IPO5: variants seen among roughly 807,000 people sequenced by gnomAD.
IPO5 encodes the protein importin 5.
A neutral mutation model predicts 143.3 loss-of-function variants in IPO5; 18 were observed. That is an observed-to-expected ratio of 0.13 (90% CI 0.09 to 0.19). The LOEUF is 0.19. Ranked by LOEUF, IPO5 falls within the 10% of genes least tolerant of loss-of-function variation. IPO5 has a pLI of 1.00. For synonymous variants in IPO5, 477 were observed against 465.7 expected (o/e 1.02, Z -0.31); for missense variants, 1,013 against 1,336.9 (o/e 0.76, Z 3.78).
chr13:98,015,412 A>G, intron 22 of IPO5, 118 bp from the exon 23 acceptor site: 1 of 645,862 alleles, frequency 1.5e-6, no homozygotes, highest in East Asian at 2.6e-5. Context: ...GCATATGTAA[A>G]TAATCTTCCA....
chr13:97,991,889 T>G (rs143428373), intron 9 of IPO5, among the ~76,000 whole-genome samples: 2 of 152,370 alleles, frequency 1.3e-5, no homozygotes, highest in East Asian at 3.9e-4. Context: ...AAGTCCCTTG[T>G]GCTTGTGTCA....
At chr13:97,982,873 G>A (rs1041146562) in intron 5 of IPO5, among the ~76,000 whole-genome samples, 1 of 152,174 alleles carries the variant, frequency 6.6e-6, no homozygotes, top group African/African-American at 2.4e-5. Context: ...AAAGTGATTT[G>A]ATTTGATTGA....
intron 6 of IPO5, chr13:97,988,220 T>C (rs915768540): frequency 6.4e-6 from 1 of 155,820 alleles, no homozygotes; most frequent in African/African-American, 2.4e-5. Context: ...TCTCTTAATC[T>C]TGTTAAATAG....
rs1890575356 is a variant in IPO5 at position 98,022,829 on chromosome 13, TTTTAA to T, written c.*1010_*1014del. 6.6e-6 allele frequency: 1 copy of T among 152,666 alleles called. No homozygotes were observed. The highest frequency in any genetic ancestry group is 6.5e-5 in the Admixed American group (1 of 15,288). The allele number at this position is 152,666 out of a possible 1,614,324, so 9.5% of individuals were successfully genotyped here. A position where few individuals can be genotyped will look rare whatever the true frequency, so the allele number is the denominator to read the frequency against. ...GTAGAGCCACACACAACTTTTGAAC[TTTTAA>T]TTATAAGTGTTATGGCTAAAGTTAT... On this transcript the variant is annotated 3_prime_UTR_variant, in exon 29 of 29. Coordinates refer to ENST00000651721, the MANE Select transcript of IPO5 (RefSeq NM_002271.6).
chr13:98,013,958 C>A (rs1889913847), intron 21 of IPO5, 84 bp from the exon 22 acceptor site: 4 of 1,204,578 alleles, frequency 3.3e-6, no homozygotes, highest in Non-Finnish European at 4.6e-6. Flanking sequence ...ACAGAAGTTG[C>A]CTAGCACTCC....
At chr13:98,017,241 C>T (rs1594132521) in intron 25 of IPO5, among the ~76,000 whole-genome samples, 1 of 148,166 alleles carries the variant, frequency 6.7e-6, no homozygotes, top group East Asian at 2.0e-4. Flanking sequence ...GGATAATGGG[C>T]ATATATATAT....
chr13:98,002,784 A>C lies in IPO5; in HGVS notation c.1323+11A>C. The C allele has an allele frequency of 6.2e-7, 1 of 1,605,116 alleles. No homozygotes were observed. Among genetic ancestry groups the C allele is most frequent in the Non-Finnish European group, 8.5e-7 (1 of 1,176,488 alleles). On this transcript the variant is annotated intron_variant, in intron 15 of 28. Coordinates refer to ENST00000651721, the MANE Select transcript of IPO5 (RefSeq NM_002271.6). ...AAATTTCATGAGAAGGTAAGTAACA[A>C]GTCCTCAAACACTTAAATCAGACTT...
Position 98,019,515 on chromosome 13 carries a change from A to G in IPO5, c.2837-66A>G. ...ATCAATATCTGAACCAAATACAAAA[A>G]TACATATATTCATTTGCATGAAAAT... is the stretch of plus-strand genomic sequence containing the variant. On this transcript the variant is annotated intron_variant, in intron 26 of 28. Transcript: ENST00000651721. 4.6e-6 allele frequency: 5 copies of G among 1,079,840 alleles called. No homozygotes were observed. In the Admixed American group the frequency reaches 9.7e-5, roughly 21 times the overall value. 66.9% of individuals were successfully genotyped at this position (1,079,840 alleles called of 1,614,324 possible).
chr13:97,983,555 C>T (rs1290906226), intron 5 of IPO5, among the ~76,000 whole-genome samples: 2 of 138,358 alleles, frequency 1.4e-5, no homozygotes, highest in Admixed American at 7.4e-5. Flanking sequence ...CCCCCACCGT[C>T]CCCCCGATTA....
rs903339986 is a variant in IPO5, at chr13:98,018,688, T to C, written c.2820T>C (p.Tyr940=). ...GVMAQYGGDN[Y]RPFCTEALPL... ...TGGCACAGTACGGTGGAGATAATTATCGCCCTTTTTGTACAGGTACGTTTG... is the reference window on the plus strand; with the variant it reads ...TGGCACAGTACGGTGGAGATAATTACCGCCCTTTTTGTACAGGTACGTTTG... The change falls in exon 26 of 29, where the codon TAT becomes TAC. Residue 940 remains tyrosine, a synonymous_variant. Transcript: ENST00000651721. The C allele has an allele frequency of 6.2e-7, 1 of 1,613,868 alleles. No homozygotes were observed. The highest frequency in any genetic ancestry group is 1.1e-5 in the South Asian group (1 of 91,060).
At chr13:98,013,937 A>G (rs2139843595) in intron 21 of IPO5, 105 bp from the exon 22 acceptor site, 4 of 864,952 alleles carry the variant, frequency 4.6e-6, no homozygotes, top group Middle Eastern at 3.0e-4. Flanking sequence ...GCTCTTGGGT[A>G]TCTTAGATAA....
chr13:98,021,720 A>C lies in IPO5; in HGVS notation c.3208-16A>C. 6.7e-7 allele frequency: 1 copy of C among 1,482,904 alleles called. No individual in the cohort carries two copies. The highest frequency in any genetic ancestry group is 9.2e-7 in the Non-Finnish European group (1 of 1,091,208). The allele number at this position is 1,482,904 out of a possible 1,614,324, so 91.9% of individuals were successfully genotyped here. On this transcript the variant is annotated splice_polypyrimidine_tract_variant and intron_variant, in intron 28 of 28. Transcript: ENST00000651721. The stretch of plus-strand genomic sequence containing the variant: ...AGCATTTCGTCCTAAGTCTGTGAAA[A>C]TGTTTCTTTCCCTAGACTTCTGGAG...
intron 18 of IPO5, 28 bp from the exon 19 acceptor site, chr13:98,009,853 C>G (rs1470776572): frequency 9.2e-6 from 14 of 1,517,176 alleles, no homozygotes; most frequent in Non-Finnish European, 1.2e-5. Flanking sequence ...GTTTTTTAAT[C>G]TATTTTAATT....
intron 3 of IPO5, chr13:97,975,916 G>A (rs184942078): frequency 2.0e-6 from 2 of 985,428 alleles, no homozygotes; most frequent in Non-Finnish European, 2.4e-6. Context: ...ACTGGAGAGC[G>A]CGACGGGAGG....
At chr13:97,970,563 G>A (rs927919350) in intron 3 of IPO5, among the ~76,000 whole-genome samples, 1 of 152,208 alleles carries the variant, frequency 6.6e-6, no homozygotes, top group Admixed American at 6.5e-5. Flanking sequence ...AGAGGTTGCA[G>A]TGAGCTGAAA....
In IPO5 at chr13:97,957,823, TC is replaced by T. The variant is rs1884564296; in HGVS notation, c.-113+3626del. ...TATCTCTGAAGATTTCAGAAGTAGA[TC>T]AGTGGATTCCTTAAATGTTAAAGAA... is the stretch of plus-strand genomic sequence containing the variant. On this transcript the variant is annotated intron_variant, in intron 2 of 28. Coordinates refer to ENST00000651721, the MANE Select transcript of IPO5 (RefSeq NM_002271.6). 3.3e-5 allele frequency among the ~76,000 whole-genome samples: 5 copies of T among 152,142 alleles called. No homozygotes were observed. The South Asian group carries it at 1.0e-3, about 32-fold the overall frequency.
At chr13:98,004,873 A>ATATTT (rs200393726) in intron 16 of IPO5, among the ~76,000 whole-genome samples, 51 of 151,828 alleles carry the variant, frequency 3.4e-4, no homozygotes, top group Admixed American at 1.0e-3. Flanking sequence ...ATATGAGTTA[A>ATATTT]TATTTTATTT....
chr13:97,982,078 A>G (rs571194095), intron 4 of IPO5: 1 of 159,270 alleles, frequency 6.3e-6, no homozygotes, highest in Non-Finnish European at 1.4e-5. Context: ...GGTTCTAAGC[A>G]GTGGTAATTT....
chr13:97,981,169 T>C (rs1886813408), intron 4 of IPO5: 1 of 432,756 alleles, frequency 2.3e-6, no homozygotes, highest in African/African-American at 2.1e-5. Context: ...TATGTGCTTT[T>C]TACTAGAATG....
Sources: allele counts gnomAD v4.1 joint callset (sites outside exome capture counted in the v4.1 genomes callset), GRCh38; gene constraint gnomAD v4.1.1; transcripts MANE v1.5; gene names NCBI Gene and HGNC (gene_info 2026-07-23, HGNC 2026-07-21).